The following ZNF804B variants were observed in gnomAD, a reference collection of about 807,000 sequenced individuals.
The protein encoded by ZNF804B is zinc finger 804B.
In ZNF804B, 80 loss-of-function variants were observed where a neutral mutation model predicts 101.4. That is an observed-to-expected ratio of 0.79 (90% CI 0.66 to 0.95). The LOEUF (loss-of-function observed/expected upper bound fraction) is 0.95, where lower values mean the gene tolerates loss of function less well. Ranked by LOEUF, ZNF804B falls within the 40% of genes least tolerant of loss-of-function variation. The pLI, the probability that ZNF804B is intolerant of heterozygous loss-of-function variation, is 0.00. For missense variants in ZNF804B, 1,673 were observed against 1,561.9 expected (o/e 1.07, Z -1.20); for synonymous variants, 622 against 558.8 (o/e 1.11, Z -1.59).
intron 1 of ZNF804B, among the ~76,000 whole-genome samples, chr7:89,066,254 TA>T (rs1300471071): frequency 6.6e-6 from 1 of 150,720 alleles, no homozygotes; most frequent in Non-Finnish European, 1.5e-5. Context: ...CTAGCTGGTG[TA>T]GTAATGGCTT....
At chr7:89,085,030 G>A (rs1210521882) in intron 1 of ZNF804B, among the ~76,000 whole-genome samples, 5 of 151,724 alleles carry the variant, frequency 3.3e-5, no homozygotes, top group Non-Finnish European at 5.9e-5. Flanking sequence ...TATTTCAAGG[G>A]GACAGACTGT....
chr7:89,220,056 TATATACGCAC>T lies in ZNF804B; in HGVS notation c.249+1767_249+1776del, dbSNP rs1184238368. ...ACGCACATATATGTGCATATATACATATATACGCACATATATGTGTATATACATATATATA... is the reference window on the plus strand; with the variant it reads ...ACGCACATATATGTGCATATATACATATATATGTGTATATACATATATATA... On this transcript the variant is annotated intron_variant, in intron 2 of 3. Coordinates refer to ENST00000333190, the MANE Select transcript of ZNF804B (RefSeq NM_181646.5). 4.3e-3 allele frequency among the ~76,000 whole-genome samples: 577 copies of T among 135,664 alleles called. 197 individuals carry two copies. Among genetic ancestry groups the T allele is most frequent in the African/African-American group, 0.015 (535 of 35,068 alleles). The allele number at this position is 135,664 out of a possible 152,430, so 89.0% of individuals were successfully genotyped here.
At chr7:89,103,665 T>G (rs937997841) in intron 1 of ZNF804B, among the ~76,000 whole-genome samples, 3 of 151,918 alleles carry the variant, frequency 2.0e-5, no homozygotes, top group Non-Finnish European at 4.4e-5. Context: ...TATATAATTA[T>G]GTTATTAGTG....
intron 1 of ZNF804B, among the ~76,000 whole-genome samples, chr7:89,038,725 A>G (rs1788965895): frequency 6.6e-6 from 1 of 152,072 alleles, no homozygotes; most frequent in Non-Finnish European, 1.5e-5. Flanking sequence ...GGTTATATTC[A>G]AATAATCAGA....
intron 1 of ZNF804B, among the ~76,000 whole-genome samples, chr7:89,023,914 A>G (rs920337545): frequency 2.0e-5 from 3 of 152,194 alleles, no homozygotes; most frequent in African/African-American, 4.8e-5. Context: ...CTGATAATAA[A>G]TTACAATGAA....
chr7:89,187,938 A>G (rs1054848525), intron 1 of ZNF804B, among the ~76,000 whole-genome samples: 1 of 152,162 alleles, frequency 6.6e-6, no homozygotes, highest in East Asian at 1.9e-4. Context: ...GTAAGGCCAG[A>G]TATAGACCAG....
At chr7:88,856,889 G>C (rs1263368128) in intron 1 of ZNF804B, among the ~76,000 whole-genome samples, 1 of 152,134 alleles carries the variant, frequency 6.6e-6, no homozygotes, top group Non-Finnish European at 1.5e-5. Flanking sequence ...CGTTGGTTCT[G>C]TTTATATGCT....
intron 1 of ZNF804B, among the ~76,000 whole-genome samples, chr7:89,154,129 A>C (rs1038367059): frequency 1.3e-5 from 2 of 152,196 alleles, no homozygotes; most frequent in Non-Finnish European, 2.9e-5. Flanking sequence ...GGCATATGAA[A>C]ATGTGCTCAA....
chr7:89,028,638 A>G (rs903980114), intron 1 of ZNF804B, among the ~76,000 whole-genome samples: 1 of 152,132 alleles, frequency 6.6e-6, no homozygotes, highest in Non-Finnish European at 1.5e-5. Context: ...AGGGCATGCC[A>G]TACAGTAAGC....
At chr7:88,809,663 G>T (rs1429064463) in intron 1 of ZNF804B, among the ~76,000 whole-genome samples, 2 of 152,120 alleles carry the variant, frequency 1.3e-5, no homozygotes, top group Non-Finnish European at 2.9e-5. Context: ...GTAAACCCAT[G>T]AATTTTTTTA....
chr7:89,116,216 G>A (rs890061939), intron 1 of ZNF804B, among the ~76,000 whole-genome samples: 1 of 151,828 alleles, frequency 6.6e-6, no homozygotes, highest in Non-Finnish European at 1.5e-5. Context: ...GCCAAGCCAC[G>A]GTTTTTGTTT....
chr7:89,193,147 G>C (rs1327710064), intron 1 of ZNF804B, among the ~76,000 whole-genome samples: 2 of 151,962 alleles, frequency 1.3e-5, no homozygotes, highest in African/African-American at 4.8e-5. Flanking sequence ...GTCCTGGACA[G>C]GGAAATCAGG....
At chr7:88,944,189 T>G (rs1006123354) in intron 1 of ZNF804B, among the ~76,000 whole-genome samples, 1 of 151,796 alleles carries the variant, frequency 6.6e-6, no homozygotes, top group Non-Finnish European at 1.5e-5. Context: ...TTTTCCAAAG[T>G]GGCTATATCA....
At chr7:89,036,200 G>A (rs148659115) in intron 1 of ZNF804B, among the ~76,000 whole-genome samples, 9 of 150,674 alleles carry the variant, frequency 6.0e-5, no homozygotes, top group East Asian at 1.9e-4. Context: ...ACAAAATTCC[G>A]AATTATCCAC....
intron 1 of ZNF804B, among the ~76,000 whole-genome samples, chr7:89,173,570 T>C (rs1791271112): frequency 1.3e-5 from 2 of 152,202 alleles, no homozygotes; most frequent in South Asian, 4.1e-4. Context: ...TAAATAGTGC[T>C]ATATTTCTAA....
chr7:88,842,082 A>G (rs1448745609), intron 1 of ZNF804B, among the ~76,000 whole-genome samples: 1 of 152,172 alleles, frequency 6.6e-6, no homozygotes, highest in Non-Finnish European at 1.5e-5. Flanking sequence ...TTCAATACAA[A>G]TATTTAAGTA....
chr7:89,262,805 A>G (rs559490003), intron 2 of ZNF804B, among the ~76,000 whole-genome samples: 2 of 152,258 alleles, frequency 1.3e-5, no homozygotes, highest in African/African-American at 4.8e-5. Context: ...ATAATTTCTT[A>G]TTGTACAATT....
intron 2 of ZNF804B, among the ~76,000 whole-genome samples, chr7:89,308,013 G>T (rs778635117): frequency 6.6e-6 from 1 of 151,992 alleles, no homozygotes; most frequent in African/African-American, 2.4e-5. Flanking sequence ...AAATAGAGTT[G>T]TACTTTTGAA....
chr7:89,070,201 A>G (rs1486579436), intron 1 of ZNF804B, among the ~76,000 whole-genome samples: 2 of 152,216 alleles, frequency 1.3e-5, no homozygotes, highest in African/African-American at 4.8e-5. Flanking sequence ...TAGATGGCAG[A>G]TATAAATTAT....
Sources: allele counts gnomAD v4.1 joint callset (sites outside exome capture counted in the v4.1 genomes callset), GRCh38; gene constraint gnomAD v4.1.1; transcripts MANE v1.5; gene names NCBI Gene and HGNC (gene_info 2026-07-23, HGNC 2026-07-21).